Variants in CDH18 observed in about 807,000 individuals in gnomAD.
CDH18 encodes the protein cadherin 18, also known as cadherin-18.
Under a neutral mutation model 67.9 loss-of-function variants are expected in CDH18, and 31 were observed. That is an observed-to-expected ratio of 0.46 (90% confidence interval 0.34 to 0.62). The LOEUF (loss-of-function observed/expected upper bound fraction) is 0.62. CDH18 is among the 20% of genes least tolerant of loss of function. The pLI, the probability that CDH18 is intolerant of heterozygous loss-of-function variation, is 0.01. For missense variants in CDH18, 890 were observed against 975.5 expected, an observed-to-expected ratio of 0.91 and a Z score of 1.17; for synonymous variants, 362 against 347.2, an observed-to-expected ratio of 1.04 and a Z score of -0.48.
At chr5:20,006,805 A>T (rs1736937135) in intron 2 of CDH18, among the ~76,000 whole-genome samples, 2 of 151,998 alleles carry the variant, frequency 1.3e-5, no homozygotes, top group Non-Finnish European at 2.9e-5. Context: ...TTAAAAATCT[A>T]ATGAAACATT....
At chr5:19,811,682 AGT>A (rs1778761436) in intron 3 of CDH18, among the ~76,000 whole-genome samples, 1 of 152,222 alleles carries the variant, frequency 6.6e-6, no homozygotes, top group African/African-American at 2.4e-5. Context: ...CAAGGGACAT[AGT>A]GGTAATCCTG....
chr5:19,864,243 T>C (rs7702181), intron 2 of CDH18, among the ~76,000 whole-genome samples: 72,887 of 148,042 alleles, frequency 0.49, 17,925 homozygotes, highest in Middle Eastern at 0.64. Context: ...ATGGATGAAA[T>C]TGGAAATCAT....
chr5:20,319,543 C>G (rs1482064494), intron 1 of CDH18, among the ~76,000 whole-genome samples: 1 of 152,048 alleles, frequency 6.6e-6, no homozygotes, highest in African/African-American at 2.4e-5. Flanking sequence ...GTGAATAGAT[C>G]AAAGTTAACA....
At chr5:19,818,255 A>G (rs1779499411) in intron 3 of CDH18, among the ~76,000 whole-genome samples, 1 of 152,194 alleles carries the variant, frequency 6.6e-6, no homozygotes, top group African/African-American at 2.4e-5. Flanking sequence ...GATGAGTTAT[A>G]ACTCAAGCTT....
intron 2 of CDH18, among the ~76,000 whole-genome samples, chr5:19,880,029 A>ATGCAAACAT (rs1787455351): frequency 6.6e-6 from 1 of 152,056 alleles, no homozygotes; most frequent in Non-Finnish European, 1.5e-5. Flanking sequence ...TAAATATACC[A>ATGCAAACAT]TGCAAACATA....
At chr5:19,651,130 T>C (rs907036500) in intron 5 of CDH18, among the ~76,000 whole-genome samples, 21 of 152,156 alleles carry the variant, frequency 1.4e-4, no homozygotes, top group Middle Eastern at 3.4e-3. Flanking sequence ...TCAAAGACGA[T>C]GTGTGTGTTA....
chr5:19,559,560 G>T (rs1418039122), intron 8 of CDH18, among the ~76,000 whole-genome samples: 2 of 151,768 alleles, frequency 1.3e-5, no homozygotes, highest in African/African-American at 4.8e-5. Context: ...CAAACCCACA[G>T]CCAACAGGGT....
chr5:19,960,579 G>A lies in CDH18; in HGVS notation c.-257+20481C>T, dbSNP rs1561635347. On this transcript the variant is annotated intron_variant, in intron 2 of 12. Coordinates refer to ENST00000382275, the MANE Select transcript of CDH18 (RefSeq NM_004934.5). ...TGTGTGTATGTGTGTGTGTGTGTGT[G>A]TGTGTGTGTGTATATATATATATAC... Among the ~76,000 whole-genome samples, 12 of 118,604 alleles carry A rather than the reference G, an allele frequency of 1.0e-4. 1 individual carries two copies. The highest frequency in any genetic ancestry group is 6.8e-4 in the African/African-American group (12 of 17,710). 77.8% of individuals were successfully genotyped at this position (118,604 alleles called of 152,430 possible). A position where few individuals can be genotyped will look rare whatever the true frequency, so the allele number is the denominator to read the frequency against.
intron 1 of CDH18, among the ~76,000 whole-genome samples, chr5:20,422,023 A>T (rs568601877): frequency 6.6e-6 from 1 of 151,006 alleles, no homozygotes; most frequent in South Asian, 2.1e-4. Context: ...TTAGGGAGGC[A>T]TTTTTATAGT....
intron 2 of CDH18, among the ~76,000 whole-genome samples, chr5:20,160,187 C>G (rs184857980): frequency 4.3e-4 from 66 of 152,280 alleles, no homozygotes; most frequent in African/African-American, 1.6e-3. Flanking sequence ...CAGTTACATA[C>G]TAATACTTGG....
In CDH18 at chr5:20,290,834, T is replaced by A. The variant is rs546822927; in HGVS notation, c.-579-35329A>T. Among the ~76,000 whole-genome samples the A allele has an allele frequency of 4.6e-5, 7 of 152,222 alleles. No individual in the cohort carries two copies. The East Asian group carries it at 1.4e-3, about 29-fold the overall frequency. ...AGTGTGGACTAGGTCCAGAACATTG[T>A]GGCATGGTATGTCATTCTATGAAGC... On this transcript the variant is annotated intron_variant, in intron 1 of 14. Transcript: ENST00000507958.
intron 1 of CDH18, among the ~76,000 whole-genome samples, chr5:20,565,808 G>GAACA (rs1392238167): frequency 6.7e-6 from 1 of 149,776 alleles, no homozygotes; most frequent in Non-Finnish European, 1.5e-5. Context: ...GGTCACTGTT[G>GAACA]AACACACTTT....
intron 1 of CDH18, among the ~76,000 whole-genome samples, chr5:20,382,192 T>C (rs1048740968): frequency 2.0e-5 from 3 of 152,148 alleles, no homozygotes; most frequent in African/African-American, 4.8e-5. Context: ...CTGGGCAATA[T>C]AAAATTTCGA....
At chr5:19,651,255 A>G (rs562616434) in intron 5 of CDH18, among the ~76,000 whole-genome samples, 1 of 152,170 alleles carries the variant, frequency 6.6e-6, no homozygotes, top group East Asian at 1.9e-4. Flanking sequence ...TGTGTCTGAG[A>G]AGAATAAATA....
intron 1 of CDH18, among the ~76,000 whole-genome samples, chr5:20,433,063 A>C (rs1405331006): frequency 6.7e-6 from 1 of 150,274 alleles, no homozygotes; most frequent in Non-Finnish European, 1.5e-5. Flanking sequence ...TGCCTAAAAC[A>C]CTATGTTAGT....
At chr5:20,504,958 G>A (rs1754567933) in intron 1 of CDH18, among the ~76,000 whole-genome samples, 1 of 151,730 alleles carries the variant, frequency 6.6e-6, no homozygotes, top group Non-Finnish European at 1.5e-5. Flanking sequence ...TAGTAGAGAC[G>A]GGGTTTCACT....
chr5:19,688,516 A>G (rs1761428392), intron 5 of CDH18, among the ~76,000 whole-genome samples: 2 of 152,312 alleles, frequency 1.3e-5, no homozygotes, highest in South Asian at 4.1e-4. Flanking sequence ...CTCAGCCAAC[A>G]GCATAAATAC....
At chr5:20,339,114 TC>T (rs1189428790) in intron 1 of CDH18, among the ~76,000 whole-genome samples, 2 of 152,086 alleles carry the variant, frequency 1.3e-5, no homozygotes, top group Admixed American at 6.5e-5. Context: ...CCCCTCTCTT[TC>T]TGGATAGGCT....
intron 1 of CDH18, among the ~76,000 whole-genome samples, chr5:20,396,401 T>C (rs1469408851): frequency 2.4e-5 from 1 of 41,250 alleles, no homozygotes; most frequent in Non-Finnish European, 6.1e-5. Context: ...CACTTTTGTT[T>C]ATAAAGCAAA....
Sources: gnomAD v4.1 joint callset for allele counts (sites outside exome capture counted in the v4.1 genomes callset) on GRCh38, gnomAD v4.1.1 for gene constraint, MANE v1.5 for transcripts, NCBI Gene and HGNC (gene_info 2026-07-23, HGNC 2026-07-21) for gene names.